CEACAM1: variants seen among roughly 807,000 people sequenced by gnomAD.
The protein encoded by CEACAM1 is cell adhesion molecule CEACAM1.
In CEACAM1, 31 loss-of-function variants were observed where a neutral mutation model predicts 49.1. The observed-to-expected ratio is 0.63, with a 90% CI of 0.47 to 0.85. CEACAM1 has a LOEUF of 0.85. Among genes scored for constraint, CEACAM1 ranks in the 40% least tolerant of loss-of-function variants. The pLI, the probability that CEACAM1 is intolerant of heterozygous loss-of-function variation, is 0.00. For missense variants in CEACAM1, 570 were observed against 645.3 expected (o/e 0.88, Z 1.26); for synonymous variants, 244 against 247.8 (o/e 0.98, Z 0.14).
At chr19:42,517,257 TGAA>T (rs1196884794) in intron 5 of CEACAM1, among the ~76,000 whole-genome samples, 2 of 152,200 alleles carry the variant, frequency 1.3e-5, no homozygotes, top group Non-Finnish European at 2.9e-5. Flanking sequence ...TTTGGAACAT[TGAA>T]TTTGGCAATG....
chr19:42,511,711 G>C, intron 6 of CEACAM1, 83 bp from the exon 7 acceptor site: 1 of 1,366,944 alleles, frequency 7.3e-7, no homozygotes, highest in East Asian at 2.3e-5. Flanking sequence ...CTGTGAGCAG[G>C]TAATTCCTTA....
At chr19:42,512,820 C>T (rs1399326898) in intron 5 of CEACAM1, among the ~76,000 whole-genome samples, 2 of 152,006 alleles carry the variant, frequency 1.3e-5, no homozygotes, top group African/African-American at 2.4e-5. Flanking sequence ...CACGTGCCAC[C>T]ACACCTGGCT....
intron 2 of CEACAM1, among the ~76,000 whole-genome samples, chr19:42,522,863 C>T (rs1272917315): frequency 6.6e-6 from 1 of 152,204 alleles, no homozygotes; most frequent in Non-Finnish European, 1.5e-5. Context: ...TTGGCATCTC[C>T]CCACCTCTCA....
At chr19:42,512,795 A>G (rs1288290958) in intron 5 of CEACAM1, among the ~76,000 whole-genome samples, 1 of 151,586 alleles carries the variant, frequency 6.6e-6, no homozygotes, top group African/African-American at 2.4e-5. Context: ...CTCCTGCCTC[A>G]GGCTGGACTA....
intron 5 of CEACAM1, among the ~76,000 whole-genome samples, chr19:42,517,076 T>G (rs2041617429): frequency 6.6e-6 from 1 of 152,102 alleles, no homozygotes; most frequent in East Asian, 1.9e-4. Flanking sequence ...GATCATTCAG[T>G]GGGGAAAGGA....
In CEACAM1 at chr19:42,527,090, T is replaced by C. The variant is rs772794650; in HGVS notation, c.375A>G (p.Ile125Met). 2.5e-6 allele frequency: 4 copies of C among 1,613,220 alleles called. No individual in the cohort carries two copies. Among genetic ancestry groups the C allele is most frequent in the Admixed American group, 1.7e-5 (1 of 59,916 alleles). ...CTTCTTCATTCACAAGATCTGACTT[T>C]ATGACTTGTAGGGTGTAGAATCCTG... ...NDTGFYTLQV[I>M]KSDLVNEEAT... Residue 125 changes from isoleucine to methionine, a missense_variant, in exon 2 of 9, where the codon ATA (isoleucine) becomes ATG (methionine). Transcript: ENST00000161559.
In CEACAM1 at chr19:42,522,039, G is replaced by A. The variant is rs775185765; in HGVS notation, c.588C>T (p.Gly196=). The change falls in exon 3 of 9, where the codon GGC becomes GGT. Residue 196 remains glycine, a synonymous_variant. Transcript: ENST00000161559. Reference sequence around the variant, plus strand: ...CACTGAGTAGAGTGAGGGTCCTGTTGCCATTGGACAGCTGCAGCCTGGGAC... The same window carrying A: ...CACTGAGTAGAGTGAGGGTCCTGTTACCATTGGACAGCTGCAGCCTGGGAC... The part of the protein sequence containing the change: ...PVSPRLQLSN[G]NRTLTLLSVT... 4 of 1,614,216 alleles carry A rather than the reference G, an allele frequency of 2.5e-6. No homozygotes were observed. The highest frequency in any genetic ancestry group is 3.4e-6 in the Non-Finnish European group (4 of 1,180,038).
intron 5 of CEACAM1, chr19:42,514,959 T>C: frequency 1.6e-6 from 1 of 638,800 alleles, no homozygotes; most frequent in Admixed American, 2.5e-5. Flanking sequence ...AGGTTTATTA[T>C]TACATTAAAT....
At chr19:42,521,800 C>G (rs944944860) in intron 3 of CEACAM1, 124 bp downstream of exon 3, 5 of 1,565,724 alleles carry the variant, frequency 3.2e-6, no homozygotes, top group Non-Finnish European at 4.3e-6. Context: ...GAAGTCATGG[C>G]CAGCCTGGGT....
intron 8 of CEACAM1, 76 bp downstream of exon 8, chr19:42,510,813 T>C: frequency 7.4e-7 from 1 of 1,344,180 alleles, no homozygotes; most frequent in South Asian, 1.2e-5. Context: ...TGTTACATTG[T>C]GTCTTCATGA....
Position 42,508,761 on chromosome 19 carries a change from C to CT in CEACAM1, c.*347dup, listed in dbSNP as rs2041385369. ...TCCGAATTAGAGTGATAGGACAGGA[C>CT]TGGGGGTGGGAAGGAATGAGTGCTC... On this transcript the variant is annotated 3_prime_UTR_variant, in exon 9 of 9. Coordinates refer to ENST00000161559, the MANE Select transcript of CEACAM1 (RefSeq NM_001712.5). The CT allele has an allele frequency of 4.0e-6, 1 of 252,392 alleles. No homozygotes were observed. The highest frequency in any genetic ancestry group is 5.1e-5 in the Admixed American group (1 of 19,618). 15.6% of individuals were successfully genotyped at this position (252,392 alleles called of 1,614,324 possible).
chr19:42,510,964 G>A (rs996886055), intron 7 of CEACAM1, 44 bp from the exon 8 acceptor site: 1 of 1,596,690 alleles, frequency 6.3e-7, no homozygotes, highest in Non-Finnish European at 8.6e-7. Flanking sequence ...GAAATGCAAA[G>A]CTGACTTCAG....
At chr19:42,514,460 G>A (rs1406818211) in intron 5 of CEACAM1, among the ~76,000 whole-genome samples, 1 of 152,062 alleles carries the variant, frequency 6.6e-6, no homozygotes, top group Non-Finnish European at 1.5e-5. Context: ...AATAATTTTT[G>A]TAGAGATAGG....
In CEACAM1 at chr19:42,511,635, A is replaced by C; in HGVS notation, c.1377-7T>G. Reference sequence around the variant, plus strand: ...ATCACGCTGGTCGCTTGCCCTAAATAAATATCAGAAACTGTGACTGCTATT... The same window carrying C: ...ATCACGCTGGTCGCTTGCCCTAAATCAATATCAGAAACTGTGACTGCTATT... On this transcript the variant is annotated splice_region_variant and splice_polypyrimidine_tract_variant and intron_variant, in intron 6 of 8. Coordinates refer to ENST00000161559, the MANE Select transcript of CEACAM1 (RefSeq NM_001712.5). 1 of 1,613,750 alleles carries C rather than the reference A, an allele frequency of 6.2e-7. No individual in the cohort carries two copies. The highest frequency in any genetic ancestry group is 1.1e-5 in the South Asian group (1 of 91,068).
At chr19:42,511,027 G>C in intron 7 of CEACAM1, 107 bp from the exon 8 acceptor site, 1 of 1,037,788 alleles carries the variant, frequency 9.6e-7, no homozygotes, top group Non-Finnish European at 1.5e-6. Context: ...TTAAGGATCA[G>C]TTAAGGAATT....
In CEACAM1 at chr19:42,521,216, C is replaced by G. The variant is rs561744466; in HGVS notation, c.958+51G>C. ...TTCTTCTCTGCTCCTATTTGAAAAC[C>G]AGAAAGCTTGTACCCCAGATCTTAG... On this transcript the variant is annotated intron_variant, in intron 4 of 8. Coordinates refer to ENST00000161559, the MANE Select transcript of CEACAM1 (RefSeq NM_001712.5). The G allele has an allele frequency of 4.3e-5, 68 of 1,591,536 alleles. No homozygotes were observed. The South Asian group carries it at 7.4e-4, about 17-fold the overall frequency.
intron 5 of CEACAM1, among the ~76,000 whole-genome samples, chr19:42,517,210 C>A (rs542425594): frequency 6.6e-6 from 1 of 152,190 alleles, no homozygotes; most frequent in South Asian, 2.1e-4. Context: ...AATGTAAGAG[C>A]TAAAACTATA....
intron 7 of CEACAM1, chr19:42,511,319 T>C (rs1713851355): frequency 1.7e-6 from 1 of 586,236 alleles, no homozygotes; most frequent in Non-Finnish European, 3.0e-6. Context: ...GCTGAGGAAA[T>C]GGCTCCTGGA....
intron 5 of CEACAM1, among the ~76,000 whole-genome samples, chr19:42,514,280 C>T (rs927180583): frequency 4.6e-5 from 7 of 151,734 alleles, no homozygotes; most frequent in African/African-American, 7.3e-5. Context: ...TACAGGCATG[C>T]GCCACCACGC....
Sources: allele counts gnomAD v4.1 joint callset (sites outside exome capture counted in the v4.1 genomes callset), GRCh38; gene constraint gnomAD v4.1.1; transcripts MANE v1.5; gene names NCBI Gene and HGNC (gene_info 2026-07-23, HGNC 2026-07-21).